The following IFT57 variants were observed in gnomAD, a reference collection of about 807,000 sequenced individuals.
IFT57 encodes the protein intraflagellar transport protein 57 homolog.
A neutral mutation model predicts 56.8 loss-of-function variants in IFT57; 59 were observed. The ratio of observed to expected loss-of-function variants is 1.04; its 90% CI spans 0.84 to 1.29. The LOEUF (loss-of-function observed/expected upper bound fraction) is 1.29. Ranked by LOEUF, IFT57 falls within the 50% of genes most tolerant of loss-of-function variation. The pLI is 0.00. For missense variants in IFT57, 470 were observed against 522.1 expected (o/e 0.90, Z 0.97); for synonymous variants, 209 against 186.1 (o/e 1.12, Z -1.00).
intron 5 of IFT57, among the ~76,000 whole-genome samples, chr3:108,200,556 T>C (rs529240171): frequency 6.6e-6 from 1 of 152,316 alleles, no homozygotes; most frequent in African/African-American, 2.4e-5. Flanking sequence ...TTGAATTATA[T>C]AATAAATATC....
chr3:108,163,046 CA>C (rs1035971913), intron 10 of IFT57, among the ~76,000 whole-genome samples: 6 of 147,668 alleles, frequency 4.1e-5, no homozygotes, highest in Non-Finnish European at 4.5e-5. Context: ...AAACATATTG[CA>C]AAAAAAAAAT....
chr3:108,173,668 C>G (rs956667946), intron 6 of IFT57, among the ~76,000 whole-genome samples: 2 of 151,482 alleles, frequency 1.3e-5, no homozygotes, highest in East Asian at 1.9e-4. Context: ...GAATGGAGGT[C>G]TGGGTGCTCA....
At chr3:108,216,974 G>A (rs2080376455) in intron 3 of IFT57, among the ~76,000 whole-genome samples, 1 of 152,026 alleles carries the variant, frequency 6.6e-6, no homozygotes, top group African/African-American at 2.4e-5. Context: ...AAGTGGGTGA[G>A]TACAAAGTTA....
At chr3:108,214,382 A>G (rs1414184040) in intron 3 of IFT57, among the ~76,000 whole-genome samples, 1 of 152,164 alleles carries the variant, frequency 6.6e-6, no homozygotes, top group Non-Finnish European at 1.5e-5. Flanking sequence ...ATGACTGAAC[A>G]TAGAGGTTTC....
chr3:108,181,818 T>C (rs1487871772), intron 6 of IFT57, among the ~76,000 whole-genome samples: 2 of 152,118 alleles, frequency 1.3e-5, no homozygotes, highest in Non-Finnish European at 2.9e-5. Flanking sequence ...TATTGCCACC[T>C]GTATTTACAT....
chr3:108,215,639 A>C (rs935630847), intron 3 of IFT57, among the ~76,000 whole-genome samples: 1 of 152,180 alleles, frequency 6.6e-6, no homozygotes, highest in Non-Finnish European at 1.5e-5. Flanking sequence ...TTAAATAATA[A>C]ATTTCCTAAT....
Position 108,184,101 on chromosome 3 carries a change from T to C in IFT57, c.777+7420A>G, listed in dbSNP as rs12695180. On this transcript the variant is annotated intron_variant, in intron 6 of 10. Transcript: ENST00000264538. ...AGTTTAGGCATCCTCAGACAGTCAG[T>C]TTCTAAGAAATGGACTCCTGAGCCA... Among the ~76,000 whole-genome samples the C allele has an allele frequency of 2.0e-5, 3 of 152,270 alleles. No individual in the cohort carries two copies. The East Asian group carries it at 5.8e-4, about 29-fold the overall frequency.
chr3:108,178,247 T>C (rs948477398), intron 6 of IFT57, among the ~76,000 whole-genome samples: 1 of 151,892 alleles, frequency 6.6e-6, no homozygotes, highest in South Asian at 2.1e-4. Flanking sequence ...ACCAAGTAAG[T>C]CTTGAGTTCT....
At chr3:108,173,808 G>GTGTGTGTGTGTGTGTGTA (rs771647277) in intron 6 of IFT57, among the ~76,000 whole-genome samples, 22 of 127,122 alleles carry the variant, frequency 1.7e-4, no homozygotes, top group African/African-American at 6.5e-4. Context: ...GTGTGTGTGT[G>GTGTGTGTGTGTGTGTGTA]TATATAATAT....
intron 7 of IFT57, 115 bp from the exon 8 acceptor site, chr3:108,167,100 A>C (rs2080067608): frequency 1.1e-6 from 1 of 871,894 alleles, no homozygotes; most frequent in Admixed American, 3.0e-5. Flanking sequence ...CATGTGCAAA[A>C]GAAGACAGCT....
At position 108,213,890 on chromosome 3, in the gene IFT57, C is replaced by A. The variant is rs138978303; in HGVS notation, c.585+41G>T. ...GGAAATTAAGAGAATGGGAAGTGGCCGAAAGGTGAAAATGAACAGAAAGTT... is the reference window on the plus strand; with the variant it reads ...GGAAATTAAGAGAATGGGAAGTGGCAGAAAGGTGAAAATGAACAGAAAGTT... On this transcript the variant is annotated intron_variant, in intron 4 of 10. Transcript: ENST00000264538. 3,469 of 1,210,536 alleles carry A rather than the reference C, an allele frequency of 2.9e-3. 132 individuals are homozygous for A. In the Admixed American group the frequency reaches 0.059, roughly 21 times the overall value. The allele number at this position is 1,210,536 out of a possible 1,614,324, so 75.0% of individuals were successfully genotyped here. A position where few individuals can be genotyped will look rare whatever the true frequency, so the allele number is the denominator to read the frequency against.
At chr3:108,210,824 T>C (rs550302746) in intron 4 of IFT57, among the ~76,000 whole-genome samples, 1 of 152,272 alleles carries the variant, frequency 6.6e-6, no homozygotes, top group South Asian at 2.1e-4. Flanking sequence ...AGGGAATGAA[T>C]AGCCTCAGGG....
Position 108,174,358 on chromosome 3 carries a change from T to C in IFT57, c.778-6494A>G, listed in dbSNP as rs550516430. Among the ~76,000 whole-genome samples, 708 of 147,894 alleles carry C rather than the reference T, an allele frequency of 4.8e-3. 4 individuals carry two copies. The highest frequency in any genetic ancestry group is 6.3e-3 in the Non-Finnish European group (416 of 66,376). On this transcript the variant is annotated intron_variant, in intron 6 of 10. Coordinates refer to ENST00000264538, the MANE Select transcript of IFT57 (RefSeq NM_018010.4). Reference sequence around the variant, plus strand: ...TTGTGTCAAAATGAAGAAGAAGAAGTGGGTTTTAATGATATGTAAGGACTT... The same window carrying C: ...TTGTGTCAAAATGAAGAAGAAGAAGCGGGTTTTAATGATATGTAAGGACTT...
At chr3:108,214,316 AC>A (rs1280587701) in intron 3 of IFT57, among the ~76,000 whole-genome samples, 1 of 152,280 alleles carries the variant, frequency 6.6e-6, no homozygotes, top group Admixed American at 6.5e-5. Context: ...TTTTTTACAT[AC>A]AAGCACTGTA....
intron 6 of IFT57, among the ~76,000 whole-genome samples, chr3:108,168,500 T>C (rs1450972229): frequency 6.6e-6 from 1 of 152,030 alleles, no homozygotes; most frequent in African/African-American, 2.4e-5. Context: ...TATTTTACTT[T>C]AAGTTCTGGG....
Position 108,191,540 on chromosome 3 carries a change from G to A in IFT57, c.758C>T (p.Thr253Met), listed in dbSNP as rs774931041. 1.6e-5 allele frequency: 25 copies of A among 1,597,658 alleles called. 1 individual carries two copies. The highest frequency in any genetic ancestry group is 3.4e-5 in the South Asian group (3 of 88,548). ...TGATACCTTATTGTCAGTCCTAATCGTGACTTTCAGTTGCGGTAGTACACG... is the reference window on the plus strand; with the variant it reads ...TGATACCTTATTGTCAGTCCTAATCATGACTTTCAGTTGCGGTAGTACACG... The part of the protein sequence containing the change: ...VERVLPQLKV[T>M]IRTDNKDWRI... The change falls in exon 6 of 11, where the codon ACG (threonine) becomes ATG (methionine). Residue 253 changes from threonine (T) to methionine (M), a missense_variant. Transcript: ENST00000264538.
chr3:108,178,128 G>A lies in IFT57; in HGVS notation c.778-10264C>T, dbSNP rs781128556. On this transcript the variant is annotated intron_variant, in intron 6 of 10. Coordinates refer to ENST00000264538, the MANE Select transcript of IFT57 (RefSeq NM_018010.4). ...CTAAAGTGATAAAATACAGAGTACA[G>A]ATACAGACTCACACATACATGCTCA... 2.7e-4 allele frequency among the ~76,000 whole-genome samples: 41 copies of A among 151,804 alleles called. 1 individual carries two copies. Among genetic ancestry groups the A allele is most frequent in the Non-Finnish European group, 1.5e-4 (10 of 67,868 alleles).
intron 6 of IFT57, among the ~76,000 whole-genome samples, chr3:108,186,279 C>G (rs904248912): frequency 7.2e-6 from 1 of 138,998 alleles, no homozygotes; most frequent in Admixed American, 7.5e-5. Context: ...GGATTTATGA[C>G]AGAGACAATC....
intron 6 of IFT57, among the ~76,000 whole-genome samples, chr3:108,174,844 A>T (rs1302015182): frequency 6.6e-6 from 1 of 151,872 alleles, no homozygotes; most frequent in Non-Finnish European, 1.5e-5. Context: ...GCTGGAGCAG[A>T]GGTGCAGCTG....
Sources: allele counts gnomAD v4.1 joint callset (sites outside exome capture counted in the v4.1 genomes callset), GRCh38; gene constraint gnomAD v4.1.1; transcripts MANE v1.5; gene names NCBI Gene and HGNC (gene_info 2026-07-23, HGNC 2026-07-21).